Variants in CAMK1D observed in about 807,000 individuals in gnomAD.
CAMK1D encodes calcium/calmodulin dependent protein kinase ID.
Under a neutral mutation model 47.7 loss-of-function variants are expected in CAMK1D, and 9 were observed. The observed-to-expected ratio is 0.19, with a 90% CI of 0.11 to 0.33. The LOEUF (loss-of-function observed/expected upper bound fraction) is 0.33. Among genes scored for constraint, CAMK1D ranks in the 10% least tolerant of loss-of-function variants. The pLI, the probability that CAMK1D is intolerant of heterozygous loss-of-function variation, is 1.00. For missense variants in CAMK1D, 291 were observed against 488.7 expected (o/e 0.60, Z 3.81); for synonymous variants, 184 against 184.9 (o/e 0.99, Z 0.04).
intron 3 of CAMK1D, among the ~76,000 whole-genome samples, chr10:12,738,045 A>G (rs1835261253): frequency 6.6e-6 from 1 of 152,250 alleles, no homozygotes; most frequent in African/African-American, 2.4e-5. Context: ...GATCTTTGAA[A>G]CGAAGACTCT....
chr10:12,624,211 CGT>C (rs771627230), intron 2 of CAMK1D, among the ~76,000 whole-genome samples: 24 of 151,096 alleles, frequency 1.6e-4, no homozygotes, highest in South Asian at 4.2e-4. Flanking sequence ...AGAGTGTGTG[CGT>C]GTGTGTGTGT....
chr10:12,573,130 A>G (rs1458172660), intron 2 of CAMK1D, among the ~76,000 whole-genome samples: 3 of 152,234 alleles, frequency 2.0e-5, no homozygotes, highest in Admixed American at 1.3e-4. Context: ...TTTCCTTCCA[A>G]CAGGATATCT....
At chr10:12,767,203 G>T (rs932151953) in intron 4 of CAMK1D, among the ~76,000 whole-genome samples, 3 of 152,118 alleles carry the variant, frequency 2.0e-5, no homozygotes, top group East Asian at 3.9e-4. Flanking sequence ...TTGAGACAGA[G>T]TTTCACTCTT....
chr10:12,824,225 G>A (rs1254717252), intron 8 of CAMK1D, among the ~76,000 whole-genome samples: 3 of 152,112 alleles, frequency 2.0e-5, no homozygotes, highest in African/African-American at 4.8e-5. Context: ...GGGCGCTGGC[G>A]GGTCTGGGGA....
intron 1 of CAMK1D, among the ~76,000 whole-genome samples, chr10:12,496,131 G>A (rs1564372950): frequency 6.6e-6 from 1 of 152,042 alleles, no homozygotes; most frequent in Non-Finnish European, 1.5e-5. Flanking sequence ...CTATGTGTGT[G>A]TTTTCTTAAA....
intron 1 of CAMK1D, among the ~76,000 whole-genome samples, chr10:12,472,003 C>T (rs1312029452): frequency 6.7e-6 from 1 of 149,462 alleles, no homozygotes; most frequent in Non-Finnish European, 1.5e-5. Flanking sequence ...CCATTGCACT[C>T]CTGCCTGGGA....
chr10:12,512,110 C>G (rs1286147714), intron 1 of CAMK1D, among the ~76,000 whole-genome samples: 1 of 152,224 alleles, frequency 6.6e-6, no homozygotes, highest in African/African-American at 2.4e-5. Flanking sequence ...AAAGGGACCT[C>G]TGCTATACCC....
intron 1 of CAMK1D, among the ~76,000 whole-genome samples, chr10:12,545,923 G>A (rs1028185626): frequency 5.9e-5 from 9 of 152,218 alleles, no homozygotes; most frequent in Non-Finnish European, 1.5e-5. Context: ...AGGCCGCTGT[G>A]TGTTTTGGAA....
At chr10:12,683,808 A>G (rs1252490931) in intron 3 of CAMK1D, among the ~76,000 whole-genome samples, 1 of 150,204 alleles carries the variant, frequency 6.7e-6, no homozygotes, top group African/African-American at 2.5e-5. Flanking sequence ...TATAAGTACA[A>G]TTTTTAAATT....
chr10:12,672,340 G>A (rs1388262418), intron 3 of CAMK1D, among the ~76,000 whole-genome samples: 1 of 151,898 alleles, frequency 6.6e-6, no homozygotes, highest in Non-Finnish European at 1.5e-5. Context: ...TGCAAATAAT[G>A]TTTTCCTCTG....
At chr10:12,367,327 T>A (rs891696729) in intron 1 of CAMK1D, among the ~76,000 whole-genome samples, 1 of 152,068 alleles carries the variant, frequency 6.6e-6, no homozygotes, top group African/African-American at 2.4e-5. Flanking sequence ...TGAGGTTAGA[T>A]CAGTGGTCCT....
intron 2 of CAMK1D, among the ~76,000 whole-genome samples, chr10:12,561,014 C>T (rs1471112631): frequency 1.3e-5 from 2 of 151,864 alleles, no homozygotes; most frequent in Non-Finnish European, 2.9e-5. Context: ...CCCAGCTTCA[C>T]GCCATTCTCC....
intron 1 of CAMK1D, among the ~76,000 whole-genome samples, chr10:12,440,788 A>G (rs1439673780): frequency 6.6e-6 from 1 of 152,252 alleles, no homozygotes; most frequent in African/African-American, 2.4e-5. Flanking sequence ...ATAATCAAAA[A>G]TGATCTGTAT....
intron 5 of CAMK1D, among the ~76,000 whole-genome samples, chr10:12,773,481 C>A (rs1837134678): frequency 6.6e-6 from 1 of 152,282 alleles, no homozygotes; most frequent in Non-Finnish European, 1.5e-5. Flanking sequence ...AAATAGTTGT[C>A]ATAGGTATTG....
At chr10:12,361,713 G>A (rs896477891) in intron 1 of CAMK1D, among the ~76,000 whole-genome samples, 10 of 149,852 alleles carry the variant, frequency 6.7e-5, no homozygotes, top group East Asian at 2.0e-4. Flanking sequence ...CCACCACCAC[G>A]CCTGGCTAAT....
intron 4 of CAMK1D, among the ~76,000 whole-genome samples, chr10:12,768,315 T>A (rs1836874858): frequency 6.6e-6 from 1 of 152,196 alleles, no homozygotes; most frequent in South Asian, 2.1e-4. Context: ...CCAGCTTGAC[T>A]TTTCCCTCCG....
chr10:12,611,497 T>C (rs1042050817), intron 2 of CAMK1D, among the ~76,000 whole-genome samples: 8 of 151,680 alleles, frequency 5.3e-5, no homozygotes, highest in African/African-American at 1.9e-4. Context: ...ACATCTCTGG[T>C]TGGGAGGAGC....
chr10:12,501,302 A>G (rs1388515294), intron 1 of CAMK1D, among the ~76,000 whole-genome samples: 1 of 152,222 alleles, frequency 6.6e-6, no homozygotes, highest in Non-Finnish European at 1.5e-5. Context: ...AGCACTGTGC[A>G]CTGGCTGAAA....
chr10:12,649,165 C>A (rs1839892609), intron 2 of CAMK1D, among the ~76,000 whole-genome samples: 4 of 152,254 alleles, frequency 2.6e-5, no homozygotes, highest in African/African-American at 7.2e-5. Context: ...CCACACCCAG[C>A]AACTCAATAT....
Sources: allele counts gnomAD v4.1 joint callset (sites outside exome capture counted in the v4.1 genomes callset), GRCh38; gene constraint gnomAD v4.1.1; transcripts MANE v1.5; gene names NCBI Gene and HGNC (gene_info 2026-07-23, HGNC 2026-07-21).